Variants in OTUD7A observed in about 807,000 individuals in gnomAD.
OTUD7A encodes the protein OTU domain-containing protein 7A.
OTUD7A carries 12 observed loss-of-function variants against 65.7 expected under a neutral mutation model. The ratio of observed to expected loss-of-function variants is 0.18; its 90% confidence interval spans 0.12 to 0.30. The LOEUF is 0.30. Ranked by LOEUF, OTUD7A falls within the 10% of genes least tolerant of loss-of-function variation. The pLI, the probability that OTUD7A is intolerant of heterozygous loss-of-function variation, is 1.00. For missense variants in OTUD7A, 1,148 were observed against 1,304.8 expected (o/e 0.88, Z 1.85); for synonymous variants, 641 against 586.3 (o/e 1.09, Z -1.35).
At chr15:31,573,389 G>A (rs1889110217) in intron 3 of OTUD7A, among the ~76,000 whole-genome samples, 1 of 152,174 alleles carries the variant, frequency 6.6e-6, no homozygotes, top group Non-Finnish European at 1.5e-5. Context: ...ATCAAGAGAT[G>A]AATAAGAGTC....
At chr15:31,763,026 T>C (rs1895009491) in intron 1 of OTUD7A, among the ~76,000 whole-genome samples, 1 of 152,178 alleles carries the variant, frequency 6.6e-6, no homozygotes, top group Non-Finnish European at 1.5e-5. Context: ...CTCACGCCTG[T>C]AATCCCAACA....
At chr15:31,508,340 G>C (rs2041614999) in intron 8 of OTUD7A, among the ~76,000 whole-genome samples, 1 of 151,882 alleles carries the variant, frequency 6.6e-6, no homozygotes, top group East Asian at 1.9e-4. Flanking sequence ...TTTATTTTTT[G>C]ATAAGGATGT....
At chr15:31,492,848 C>T (rs982708169) in intron 10 of OTUD7A, among the ~76,000 whole-genome samples, 7 of 152,116 alleles carry the variant, frequency 4.6e-5, no homozygotes, top group East Asian at 1.9e-4. Flanking sequence ...ATGGTCAAAA[C>T]GTATCTTTTA....
At position 31,788,824 on chromosome 15, in the gene OTUD7A, T is replaced by C. The variant is rs920499202; in HGVS notation, c.-100+81683A>G. 5.9e-5 allele frequency among the ~76,000 whole-genome samples: 9 copies of C among 152,228 alleles called. No homozygotes were observed. In the South Asian group the frequency reaches 6.2e-4, roughly 11 times the overall value. On this transcript the variant is annotated intron_variant, in intron 1 of 12. Coordinates refer to ENST00000307050, the MANE Select transcript of OTUD7A (RefSeq NM_001382637.1). ...AGATACTTCAGAGCTCTTTGTAGTT[T>C]AGAAAGAGCTTACTCATATAATCTT...
chr15:31,749,057 A>T (rs1894555877), intron 1 of OTUD7A, among the ~76,000 whole-genome samples: 1 of 145,552 alleles, frequency 6.9e-6, no homozygotes, highest in South Asian at 2.3e-4. Flanking sequence ...CAAATACCGC[A>T]TGTTCTCACT....
Position 31,542,844 on chromosome 15 carries a change from A to G in OTUD7A, c.551-12036T>C, listed in dbSNP as rs570663067. On this transcript the variant is annotated intron_variant, in intron 5 of 12. Transcript: ENST00000307050. ...GAAGCCAAAAAAAAAAAAATCTTCA[A>G]TGTGCTGAATGAAAATAACTGGCAA... Among the ~76,000 whole-genome samples the G allele has an allele frequency of 3.9e-5, 6 of 151,970 alleles. No homozygotes were observed. The East Asian group carries it at 1.2e-3, about 29-fold the overall frequency.
intron 6 of OTUD7A, among the ~76,000 whole-genome samples, chr15:31,529,177 T>C (rs1192542524): frequency 6.6e-6 from 1 of 152,218 alleles, no homozygotes; most frequent in Non-Finnish European, 1.5e-5. Flanking sequence ...GACTTCACAA[T>C]GAGGCTGCTG....
chr15:31,641,508 C>T (rs1036884020), intron 3 of OTUD7A, among the ~76,000 whole-genome samples: 2 of 152,124 alleles, frequency 1.3e-5, no homozygotes, highest in South Asian at 2.1e-4. Flanking sequence ...TGAGATTATA[C>T]TGAATTTAAA....
chr15:31,564,780 G>C (rs562243825), intron 4 of OTUD7A, among the ~76,000 whole-genome samples: 37 of 152,118 alleles, frequency 2.4e-4, no homozygotes, highest in Admixed American at 2.3e-3. Context: ...ATAATAAATT[G>C]TCTACAAGAA....
intron 8 of OTUD7A, among the ~76,000 whole-genome samples, chr15:31,510,887 G>A (rs142481627): frequency 2.5e-5 from 1 of 39,446 alleles, no homozygotes; most frequent in Non-Finnish European, 4.2e-5. Flanking sequence ...TAACATATAT[G>A]TATATCTATA....
intron 1 of OTUD7A, among the ~76,000 whole-genome samples, chr15:31,797,367 C>A (rs1358970577): frequency 6.6e-6 from 1 of 152,172 alleles, no homozygotes; most frequent in African/African-American, 2.4e-5. Flanking sequence ...CATAAAGCAG[C>A]AAATTTTTAT....
chr15:31,856,843 G>A (rs916893002), intron 1 of OTUD7A, among the ~76,000 whole-genome samples: 3 of 152,234 alleles, frequency 2.0e-5, no homozygotes, highest in African/African-American at 7.2e-5. Flanking sequence ...TTCTGGCTCT[G>A]AGCTCTTTCG....
chr15:31,510,537 A>ATATG (rs1448110401), intron 8 of OTUD7A, among the ~76,000 whole-genome samples: 1 of 104,658 alleles, frequency 9.6e-6, no homozygotes, highest in African/African-American at 4.9e-5. Context: ...TGTAACATAC[A>ATATG]TATGTATATC....
chr15:31,786,407 G>A (rs1330170348), intron 1 of OTUD7A, among the ~76,000 whole-genome samples: 1 of 152,212 alleles, frequency 6.6e-6, no homozygotes, highest in African/African-American at 2.4e-5. Flanking sequence ...AAGGCAAAGA[G>A]GCCAGGAATG....
intron 1 of OTUD7A, among the ~76,000 whole-genome samples, chr15:31,812,036 G>A (rs1427895307): frequency 1.3e-5 from 2 of 152,224 alleles, no homozygotes; most frequent in South Asian, 2.1e-4. Context: ...CCAGGGATGG[G>A]GCAGGTGGTG....
chr15:31,617,675 G>C (rs1890634124), intron 3 of OTUD7A, among the ~76,000 whole-genome samples: 1 of 152,108 alleles, frequency 6.6e-6, no homozygotes, highest in Admixed American at 6.6e-5. Context: ...GTTACCTCTG[G>C]GGAGAAAGAA....
intron 3 of OTUD7A, among the ~76,000 whole-genome samples, chr15:31,606,677 G>A (rs904012261): frequency 9.9e-5 from 15 of 152,120 alleles, no homozygotes; most frequent in African/African-American, 2.4e-5. Context: ...ACTGTCTAAC[G>A]CACGACTTCT....
chr15:31,657,750 TG>T (rs978123063), intron 1 of OTUD7A, among the ~76,000 whole-genome samples: 16 of 152,254 alleles, frequency 1.1e-4, no homozygotes, highest in African/African-American at 3.6e-4. Context: ...ACTGGGCTGG[TG>T]GGGACATTTG....
intron 1 of OTUD7A, among the ~76,000 whole-genome samples, chr15:31,682,018 TGA>T (rs758960086): frequency 4.6e-5 from 7 of 151,396 alleles, no homozygotes; most frequent in Non-Finnish European, 8.8e-5. Context: ...GAGGAGAGAG[TGA>T]GAGAGGCTCT....
Sources: gnomAD v4.1 joint callset for allele counts (sites outside exome capture counted in the v4.1 genomes callset) on GRCh38, gnomAD v4.1.1 for gene constraint, MANE v1.5 for transcripts, NCBI Gene and HGNC (gene_info 2026-07-23, HGNC 2026-07-21) for gene names.